OR5H2: variants seen among roughly 807,000 people sequenced by gnomAD.
OR5H2 encodes the protein olfactory receptor 5H2.
For synonymous variants in OR5H2, 132 were observed against 126.8 expected (o/e 1.04, Z -0.27); for missense variants, 391 against 364.4 (o/e 1.07, Z -0.59).
Position 98,283,563 on chromosome 3 carries a change from G to T in OR5H2, c.661G>T (p.Ala221Ser), listed in dbSNP as rs767018179. 1 of 1,613,154 alleles carries T rather than the reference G, an allele frequency of 6.2e-7. No individual in the cohort carries two copies. The highest frequency in any genetic ancestry group is 8.5e-7 in the Non-Finnish European group (1 of 1,179,760). Residue 221 changes from alanine to serine, a missense_variant, in exon 1 of 1, where the codon GCT becomes TCT. Coordinates refer to ENST00000355273, the MANE Select transcript of OR5H2 (RefSeq NM_001005482.2). Reference sequence around the variant, plus strand: ...GACAGTTCTTAATTCTTACACATTTGCTCTTTTCACAATCCTAAAAAAGAA... The same window carrying T: ...GACAGTTCTTAATTCTTACACATTTTCTCTTTTCACAATCCTAAAAAAGAA... Reference protein sequence around the residue: ...IVTVLNSYTFALFTILKKKSV... With the variant: ...IVTVLNSYTFSLFTILKKKSV...
In OR5H2 at chr3:98,283,437, T is replaced by C; in HGVS notation, c.535T>C (p.Cys179Arg). ...TTCTAACATAATACATCATTTTTAC[T>C]GTGATATTATACCACTGTTTATGAT... ...CNSNIIHHFY[C>R]DIIPLFMISC... Residue 179 changes from cysteine to arginine, a missense_variant, in exon 1 of 1, where the codon TGT becomes CGT. By Grantham distance (180) the Cys-to-Arg change is radical. Transcript: ENST00000355273. The C allele has an allele frequency of 6.2e-7, 1 of 1,608,462 alleles. No individual in the cohort carries two copies. Among genetic ancestry groups the C allele is most frequent in the Non-Finnish European group, 8.5e-7 (1 of 1,178,588 alleles).
In OR5H2 at chr3:98,282,906, G is replaced by C. The variant is rs149978587; in HGVS notation, c.4G>C (p.Glu2Gln). The C allele has an allele frequency of 8.1e-5, 130 of 1,613,598 alleles. No individual in the cohort carries two copies. The highest frequency in any genetic ancestry group is 6.8e-5 in the Non-Finnish European group (80 of 1,179,764). The change falls in exon 1 of 1, where the codon GAA becomes CAA. Residue 2 changes from glutamate (E) to glutamine (Q), a missense_variant. Transcript: ENST00000355273. Reference protein sequence around the residue: MEQDNTTLLTEF... With the variant: MQQDNTTLLTEF... ...TTCAGGGATGTCGAATGAGGACATG[G>C]AACAGGATAATACAACATTGCTGAC...
rs78202267 is a variant in OR5H2 at position 98,283,844 on chromosome 3, A to G, written c.*12A>G. The G allele has an allele frequency of 0.044, 61,241 of 1,401,208 alleles. 2,129 individuals are homozygous for G. Among genetic ancestry groups the G allele is most frequent in the African/African-American group, 0.16 (11,198 of 68,198 alleles). The allele number at this position is 1,401,208 out of a possible 1,614,324, so 86.8% of individuals were successfully genotyped here. On this transcript the variant is annotated 3_prime_UTR_variant, in exon 1 of 1. Transcript: ENST00000355273. Reference sequence around the variant, plus strand: ...AAAGAAATGTTTAGATTTCATAGTGATATCTCTCATTTTCAGTAAAAAGAA... The same window carrying G: ...AAAGAAATGTTTAGATTTCATAGTGGTATCTCTCATTTTCAGTAAAAAGAA...
chr3:98,283,480 C>G lies in OR5H2; in HGVS notation c.578C>G (p.Ser193Cys). 6.2e-7 allele frequency: 1 copy of G among 1,612,290 alleles called. No homozygotes were observed. ...PLFMISCTDP[S>C]INFLMVFILS... is the part of the protein sequence containing the mutation. ...TTTATGATTTCCTGTACTGACCCTT[C>G]TATTAATTTTCTAATGGTTTTTATT... The change falls in exon 1 of 1, where the codon TCT (serine) becomes TGT (cysteine). Residue 193 changes from serine (S) to cysteine (C), a missense_variant. Physicochemically the swap from Ser to Cys is moderately radical, Grantham distance 112. Transcript: ENST00000355273.
chr3:98,282,980 CCT>C lies in OR5H2; in HGVS notation c.79_80del (p.Leu27ValfsTer25). 6.2e-7 allele frequency: 1 copy of C among 1,613,906 alleles called. No homozygotes were observed. Among genetic ancestry groups the C allele is most frequent in the Non-Finnish European group, 8.5e-7 (1 of 1,179,900 alleles). ...LTYQPEWKMP[L>X]FLVFLVIYLI... The stretch of plus-strand genomic sequence containing the variant: ...CATATCAGCCAGAGTGGAAAATGCC[CCT>C]GTTCTTGGTGTTCTTGGTGATCTAT... On this transcript the variant is annotated frameshift_variant, in exon 1 of 1. Coordinates refer to ENST00000355273, the MANE Select transcript of OR5H2 (RefSeq NM_001005482.2). LOFTEE classifies it low-confidence loss of function (END_TRUNC).
rs756216447 is a variant in OR5H2 at position 98,282,893 on chromosome 3, G to A, written c.-10G>A. The A allele has an allele frequency of 8.1e-6, 13 of 1,612,196 alleles. No individual in the cohort carries two copies. Among genetic ancestry groups the A allele is most frequent in the Admixed American group, 1.7e-5 (1 of 59,680 alleles). On this transcript the variant is annotated 5_prime_UTR_variant, in exon 1 of 1. Coordinates refer to ENST00000355273, the MANE Select transcript of OR5H2 (RefSeq NM_001005482.2). ...TACTGCATTTCATTTCAGGGATGTC[G>A]AATGAGGACATGGAACAGGATAATA...
At position 98,283,864 on chromosome 3, in the gene OR5H2, A is replaced by G. The variant is rs760084470; in HGVS notation, c.*32A>G. 1.0e-5 allele frequency: 13 copies of G among 1,284,172 alleles called. No homozygotes were observed. Among genetic ancestry groups the G allele is most frequent in the Non-Finnish European group, 1.4e-5 (13 of 934,346 alleles). 79.5% of individuals were successfully genotyped at this position (1,284,172 alleles called of 1,614,324 possible). On this transcript the variant is annotated 3_prime_UTR_variant, in exon 1 of 1. Coordinates refer to ENST00000355273, the MANE Select transcript of OR5H2 (RefSeq NM_001005482.2). The stretch of plus-strand genomic sequence containing the variant: ...TAGTGATATCTCTCATTTTCAGTAA[A>G]AAGAATTTTGCAGTTAGATAAGGTG...
In OR5H2 at chr3:98,283,957, A is replaced by G; in HGVS notation, c.*125A>G. ...GCATTTTAATGACTTAGGGTTTTATACCTAATAAACTCCTTAAAATATTTA... is the reference window on the plus strand; with the variant it reads ...GCATTTTAATGACTTAGGGTTTTATGCCTAATAAACTCCTTAAAATATTTA... On this transcript the variant is annotated 3_prime_UTR_variant, in exon 1 of 1. Transcript: ENST00000355273. 1 of 537,428 alleles carries G rather than the reference A, an allele frequency of 1.9e-6. No individual in the cohort carries two copies. The highest frequency in any genetic ancestry group is 3.2e-6 in the Non-Finnish European group (1 of 316,470). The allele number at this position is 537,428 out of a possible 1,614,324, so 33.3% of individuals were successfully genotyped here.
Position 98,282,777 on chromosome 3 carries a change from T to C in OR5H2, c.-126T>C. ...CTATTACAGGAATATGAAAGAAAATTAAAAGGGTATTGTAATAAGAGTATG... is the reference window on the plus strand; with the variant it reads ...CTATTACAGGAATATGAAAGAAAATCAAAAGGGTATTGTAATAAGAGTATG... On this transcript the variant is annotated 5_prime_UTR_variant, in exon 1 of 1. It removes the in-frame stop codon of an upstream open reading frame in the 5' UTR. Transcript: ENST00000355273. 1 of 769,082 alleles carries C rather than the reference T, an allele frequency of 1.3e-6. No homozygotes were observed. Among genetic ancestry groups the C allele is most frequent in the Non-Finnish European group, 2.1e-6 (1 of 471,432 alleles). 47.6% of individuals were successfully genotyped at this position (769,082 alleles called of 1,614,324 possible).
chr3:98,282,997 T>G lies in OR5H2; in HGVS notation c.95T>G (p.Leu32Trp). The G allele has an allele frequency of 6.2e-7, 1 of 1,613,990 alleles. No individual in the cohort carries two copies. Among genetic ancestry groups the G allele is most frequent in the Non-Finnish European group, 8.5e-7 (1 of 1,179,914 alleles). The stretch of plus-strand genomic sequence containing the variant: ...AAAATGCCCCTGTTCTTGGTGTTCT[T>G]GGTGATCTATCTCATCACTATTGTG... The part of the protein sequence containing the change: ...EWKMPLFLVF[L>W]VIYLITIVWN... Residue 32 changes from leucine to tryptophan, a missense_variant, in exon 1 of 1, where the codon TTG becomes TGG. Transcript: ENST00000355273.
chr3:98,283,067 T>A lies in OR5H2; in HGVS notation c.165T>A (p.Leu55=). The change falls in exon 1 of 1, where the codon CTT becomes CTA. Residue 55 remains leucine (L), a synonymous_variant. Transcript: ENST00000355273. ...LIALIWNDPQ[L]HIPMYFFLGS... ...CTCTTATCTGGAATGACCCACAACT[T>A]CACATCCCCATGTACTTTTTTCTTG... The A allele has an allele frequency of 6.2e-7, 1 of 1,614,086 alleles. No individual in the cohort carries two copies.
Position 98,283,414 on chromosome 3 carries a change from C to T in OR5H2, c.512C>T (p.Ser171Phe). The change falls in exon 1 of 1, where the codon TCT becomes TTT. Residue 171 changes from serine (S) to phenylalanine (F), a missense_variant. Ser to Phe is a radical substitution (Grantham distance 155, BLOSUM62 -2). Coordinates refer to ENST00000355273, the MANE Select transcript of OR5H2 (RefSeq NM_001005482.2). Reference sequence around the variant, plus strand: ...ATATTCAGATTAACCTTCTGCAATTCTAACATAATACATCATTTTTACTGT... The same window carrying T: ...ATATTCAGATTAACCTTCTGCAATTTTAACATAATACATCATTTTTACTGT... ...VLIFRLTFCN[S>F]NIIHHFYCDI... 6.2e-7 allele frequency: 1 copy of T among 1,609,300 alleles called. No homozygotes were observed. The highest frequency in any genetic ancestry group is 8.5e-7 in the Non-Finnish European group (1 of 1,178,978).
rs904534109 is a variant in OR5H2, at chr3:98,283,956, T to A, written c.*124T>A. On this transcript the variant is annotated 3_prime_UTR_variant, in exon 1 of 1. Transcript: ENST00000355273. ...AGCATTTTAATGACTTAGGGTTTTA[T>A]ACCTAATAAACTCCTTAAAATATTT... is the stretch of plus-strand genomic sequence containing the variant. The A allele has an allele frequency of 3.6e-6, 2 of 556,280 alleles. No homozygotes were observed. The highest frequency in any genetic ancestry group is 6.1e-6 in the Non-Finnish European group (2 of 329,610). The allele number at this position is 556,280 out of a possible 1,614,324, so 34.5% of individuals were successfully genotyped here. A position where few individuals can be genotyped will look rare whatever the true frequency, so the allele number is the denominator to read the frequency against.
rs1254443099 is a variant in OR5H2 at position 98,282,800 on chromosome 3, A to G, written c.-103A>G. The G allele has an allele frequency of 4.2e-6, 4 of 947,500 alleles. No individual in the cohort carries two copies. The Admixed American group carries it at 9.0e-5, about 21-fold the overall frequency. The allele number at this position is 947,500 out of a possible 1,614,324, so 58.7% of individuals were successfully genotyped here. A position where few individuals can be genotyped will look rare whatever the true frequency, so the allele number is the denominator to read the frequency against. ...ATTAAAAGGGTATTGTAATAAGAGT[A>G]TGTTTTTCTATCAACTTCCCTCCCC... On this transcript the variant is annotated 5_prime_UTR_variant, in exon 1 of 1. An upstream start codon of the reference 5' UTR is lost. Coordinates refer to ENST00000355273, the MANE Select transcript of OR5H2 (RefSeq NM_001005482.2).
rs549925679 is a variant in OR5H2, at chr3:98,282,562, G to C, written c.-341G>C. Among the ~76,000 whole-genome samples, 1 of 152,098 alleles carries C rather than the reference G, an allele frequency of 6.6e-6. No individual in the cohort carries two copies. The highest frequency in any genetic ancestry group is 2.4e-5 in the African/African-American group (1 of 41,420). The stretch of plus-strand genomic sequence containing the variant: ...AGCACACTTGATGGCCACCTTGCAG[G>C]CTGTAACCCCTTATAAGAAATAAGT... On this transcript the variant is annotated 5_prime_UTR_variant, in exon 1 of 1. Coordinates refer to ENST00000355273, the MANE Select transcript of OR5H2 (RefSeq NM_001005482.2).
rs547108121 is a variant in OR5H2, at chr3:98,283,081, A to C, written c.179A>C (p.Tyr60Ser). 9.7e-5 allele frequency: 157 copies of C among 1,614,030 alleles called. 1 individual carries two copies. In the South Asian group the frequency reaches 1.6e-3, roughly 16 times the overall value. Reference sequence around the variant, plus strand: ...GACCCACAACTTCACATCCCCATGTACTTTTTTCTTGGGAGTTTAGCCTTT... The same window carrying C: ...GACCCACAACTTCACATCCCCATGTCCTTTTTTCTTGGGAGTTTAGCCTTT... ...WNDPQLHIPM[Y>S]FFLGSLAFVD... Residue 60 changes from tyrosine (Y) to serine (S), a missense_variant, in exon 1 of 1, where the codon TAC (tyrosine) becomes TCC (serine). Physicochemically the swap from Tyr to Ser is moderately radical, Grantham distance 144 (BLOSUM62 -2). Transcript: ENST00000355273.
At position 98,283,814 on chromosome 3, in the gene OR5H2, G is replaced by C; in HGVS notation, c.912G>C (p.Met304Ile). 1 of 1,526,566 alleles carries C rather than the reference G, an allele frequency of 6.6e-7. No individual in the cohort carries two copies. The highest frequency in any genetic ancestry group is 8.8e-7 in the Non-Finnish European group (1 of 1,130,996). The allele number at this position is 1,526,566 out of a possible 1,614,324, so 94.6% of individuals were successfully genotyped here. The change falls in exon 1 of 1, where the codon ATG becomes ATC. Residue 304 changes from methionine to isoleucine, a missense_variant. Coordinates refer to ENST00000355273, the MANE Select transcript of OR5H2 (RefSeq NM_001005482.2). ...NKQVIDSFTK[M>I]VKRNV Reference sequence around the variant, plus strand: ...AAGTAATAGATTCATTCACAAAAATGGTAAAAAGAAATGTTTAGATTTCAT... The same window carrying C: ...AAGTAATAGATTCATTCACAAAAATCGTAAAAAGAAATGTTTAGATTTCAT...
rs761705065 is a variant in OR5H2, at chr3:98,283,849, T to G, written c.*17T>G. ...AATGTTTAGATTTCATAGTGATATC[T>G]CTCATTTTCAGTAAAAAGAATTTTG... On this transcript the variant is annotated 3_prime_UTR_variant, in exon 1 of 1. Transcript: ENST00000355273. 78 of 1,375,266 alleles carry G rather than the reference T, an allele frequency of 5.7e-5. No individual in the cohort carries two copies. Among genetic ancestry groups the G allele is most frequent in the Non-Finnish European group, 7.6e-5 (77 of 1,009,390 alleles). 85.2% of individuals were successfully genotyped at this position (1,375,266 alleles called of 1,614,324 possible).
rs1040099202 is a variant in OR5H2 at position 98,282,784 on chromosome 3, G to T, written c.-119G>T. 6.2e-6 allele frequency: 5 copies of T among 809,278 alleles called. No homozygotes were observed. The highest frequency in any genetic ancestry group is 5.1e-5 in the East Asian group (2 of 39,316). 50.1% of individuals were successfully genotyped at this position (809,278 alleles called of 1,614,324 possible). A position where few individuals can be genotyped will look rare whatever the true frequency, so the allele number is the denominator to read the frequency against. ...AGGAATATGAAAGAAAATTAAAAGG[G>T]TATTGTAATAAGAGTATGTTTTTCT... On this transcript the variant is annotated 5_prime_UTR_variant, in exon 1 of 1. Transcript: ENST00000355273.
Sources: gnomAD v4.1 joint callset for allele counts (sites outside exome capture counted in the v4.1 genomes callset) on GRCh38, gnomAD v4.1.1 for gene constraint, MANE v1.5 for transcripts, NCBI Gene and HGNC (gene_info 2026-07-23, HGNC 2026-07-21) for gene names.